MYH8: variants seen among roughly 807,000 people sequenced by gnomAD.
MYH8 encodes the protein myosin heavy chain 8.
MYH8 carries 168 observed loss-of-function variants against 233.2 expected under a neutral mutation model. That is an observed-to-expected ratio of 0.72 (90% confidence interval 0.64 to 0.82). The LOEUF (loss-of-function observed/expected upper bound fraction) is 0.82, where lower values mean the gene tolerates loss of function less well. MYH8 is among the 40% of genes least tolerant of loss of function. The pLI is 0.00. For missense variants in MYH8, 1,995 were observed against 2,327.8 expected (o/e 0.86, Z 2.94); for synonymous variants, 785 against 850.6 (o/e 0.92, Z 1.34).
intron 21 of MYH8, among the ~76,000 whole-genome samples, chr17:10,405,167 G>C (rs994727722): frequency 1.4e-4 from 22 of 152,058 alleles, no homozygotes; most frequent in African/African-American, 5.3e-4. Context: ...TAATACACTG[G>C]CTTATCTCAA....
intron 34 of MYH8, 146 bp downstream of exon 34, chr17:10,394,987 T>C (rs2072065850): frequency 1.2e-6 from 1 of 864,398 alleles, no homozygotes. Flanking sequence ...AATAATATGT[T>C]CTATGTGTAT....
chr17:10,401,233 T>G (rs780866736), intron 24 of MYH8, 42 bp from the exon 25 acceptor site: 68 of 1,613,468 alleles, frequency 4.2e-5, no homozygotes, highest in Non-Finnish European at 5.6e-5. Context: ...AAGTATATAT[T>G]TTTAAAAAAA....
In MYH8 at chr17:10,400,641, C is replaced by G. The variant is rs1289655596; in HGVS notation, c.3484G>C (p.Ala1162Pro). The G allele has an allele frequency of 2.5e-6, 4 of 1,614,228 alleles. No homozygotes were observed. The highest frequency in any genetic ancestry group is 3.4e-6 in the Non-Finnish European group (4 of 1,180,048). The change falls in exon 27 of 40, where the codon GCT becomes CCT. Residue 1162 changes from alanine (A) to proline (P), a missense_variant. Physicochemically the swap from Ala to Pro is conservative, Grantham distance 27. Transcript: ENST00000403437. This position sits in a 1 kb window ranked among gnomAD's most constrained non-coding sequence, Gnocchi z 4.0. ...RLEEAGGATS[A>P]QVELNKKREA... ...CGCTTCTTGTTCAATTCCACCTGAG[C>G]AGAAGTTGCCCCACCGGCTTCTTCC... is the stretch of plus-strand genomic sequence containing the variant.
intron 27 of MYH8, 90 bp from the exon 28 acceptor site, chr17:10,399,759 T>G: frequency 6.4e-7 from 1 of 1,559,254 alleles, no homozygotes; most frequent in Non-Finnish European, 8.7e-7. Flanking sequence ...AGTAAATAAA[T>G]TCATGTCAAG....
intron 22 of MYH8, among the ~76,000 whole-genome samples, chr17:10,402,827 A>C (rs907152706): frequency 2.0e-5 from 3 of 152,184 alleles, no homozygotes; most frequent in Non-Finnish European, 1.5e-5. Flanking sequence ...TGTAACAAAA[A>C]TGTTCTTTAA....
rs766780054 is a variant in MYH8, at chr17:10,419,058, T to G, written c.211-28A>C. The G allele has an allele frequency of 1.6e-5, 26 of 1,613,600 alleles. No individual in the cohort carries two copies. The highest frequency in any genetic ancestry group is 7.7e-5 in the South Asian group (7 of 91,056). On this transcript the variant is annotated intron_variant, in intron 3 of 39. Transcript: ENST00000403437. The surrounding 1 kb of genome is among the most constrained non-coding windows in gnomAD (Gnocchi z 4.0). ...GGTGAGTAAGCAAGAAACCAGTTCG[T>G]TTTTGTTTGTTTGTTTGAGATAGAG...
At position 10,399,601 on chromosome 17, in the gene MYH8, C is replaced by T; in HGVS notation, c.3804G>A (p.Glu1268=). Residue 1268 remains glutamate (E), a synonymous_variant, in exon 28 of 40, where the codon GAG becomes GAA. Coordinates refer to ENST00000403437, the MANE Select transcript of MYH8 (RefSeq NM_002472.3). ...TGAGGTCATTGATCAGCCGCTGCTGCTCCTCTTCCTTGGTCTTAAGCTCAC... is the reference window on the plus strand; with the variant it reads ...TGAGGTCATTGATCAGCCGCTGCTGTTCCTCTTCCTTGGTCTTAAGCTCAC... ...QVSELKTKEE[E]QQRLINDLTA... 1.2e-6 allele frequency: 2 copies of T among 1,614,140 alleles called. No homozygotes were observed. The highest frequency in any genetic ancestry group is 1.7e-6 in the Non-Finnish European group (2 of 1,180,042).
At chr17:10,413,879 C>A (rs1408986279) in intron 12 of MYH8, 23 bp downstream of exon 12, 2 of 1,613,858 alleles carry the variant, frequency 1.2e-6, no homozygotes, top group Admixed American at 3.3e-5. Flanking sequence ...CTCATTAAAC[C>A]CAGATAAAGT....
At chr17:10,404,657 A>G (rs2072175112) in intron 21 of MYH8, 72 bp from the exon 22 acceptor site, 1 of 1,584,332 alleles carries the variant, frequency 6.3e-7, no homozygotes, top group East Asian at 2.3e-5. Flanking sequence ...ATCACACACA[A>G]ATTTCCCTTT....
In MYH8 at chr17:10,399,586, G is replaced by T. The variant is rs1214712308; in HGVS notation, c.3819C>A (p.Ile1273=). Reference sequence around the variant, plus strand: ...GCGCTCTCTGTGCTGTGAGGTCATTGATCAGCCGCTGCTGCTCCTCTTCCT... The same window carrying T: ...GCGCTCTCTGTGCTGTGAGGTCATTTATCAGCCGCTGCTGCTCCTCTTCCT... ...KTKEEEQQRL[I]NDLTAQRARL... is the part of the protein sequence containing the mutation. The change falls in exon 28 of 40, where the codon ATC becomes ATA. Residue 1273 remains isoleucine (I), a synonymous_variant. Transcript: ENST00000403437. The T allele has an allele frequency of 3.1e-6, 5 of 1,614,020 alleles. No homozygotes were observed. In the South Asian group the frequency reaches 5.5e-5, roughly 18 times the overall value.
intron 36 of MYH8, 30 bp from the exon 37 acceptor site, chr17:10,393,031 G>T (rs1473746713): frequency 6.2e-7 from 1 of 1,614,214 alleles, no homozygotes; most frequent in Non-Finnish European, 8.5e-7. Context: ...AGAAAGTAAT[G>T]AAACTTGATG....
chr17:10,401,503 G>A, intron 23 of MYH8, 40 bp downstream of exon 23: 1 of 1,614,126 alleles, frequency 6.2e-7, no homozygotes, highest in Non-Finnish European at 8.5e-7. Context: ...TTTAGTTGGT[G>A]GCAGAACCTC....
At position 10,401,599 on chromosome 17, in the gene MYH8, C is replaced by T; in HGVS notation, c.2875G>A (p.Asp959Asn). Residue 959 changes from aspartate (D) to asparagine (N), a missense_variant, in exon 23 of 40, where the codon GAC becomes AAC. Physicochemically the swap from Asp to Asn is conservative, Grantham distance 23. Coordinates refer to ENST00000403437, the MANE Select transcript of MYH8 (RefSeq NM_002472.3). ...ACCTTGGCCAGTGTCAGCTCAAGGT[C>T]ATCAATGTCTTTCTTGAGTTCTGAA... The part of the protein sequence containing the change: ...ECSELKKDID[D>N]LELTLAKVEK... The T allele has an allele frequency of 6.2e-7, 1 of 1,614,138 alleles. No homozygotes were observed. Among genetic ancestry groups the T allele is most frequent in the Non-Finnish European group, 8.5e-7 (1 of 1,180,032 alleles).
intron 22 of MYH8, among the ~76,000 whole-genome samples, chr17:10,402,628 C>T (rs1471138269): frequency 6.7e-6 from 1 of 149,464 alleles, no homozygotes; most frequent in African/African-American, 2.4e-5. Flanking sequence ...GGCACATGTG[C>T]ACGCACACAC....
intron 5 of MYH8, among the ~76,000 whole-genome samples, chr17:10,416,979 A>C (rs1038156327): frequency 2.8e-4 from 42 of 152,234 alleles, no homozygotes; most frequent in African/African-American, 1.0e-3. Context: ...GGAGGAAGTG[A>C]CTTTTCTAAT....
At chr17:10,390,887 C>T (rs907782736) in intron 39 of MYH8, among the ~76,000 whole-genome samples, 1 of 152,144 alleles carries the variant, frequency 6.6e-6, no homozygotes, top group African/African-American at 2.4e-5. Context: ...CACTTATAGA[C>T]ATCAGTAAGT....
chr17:10,397,083 C>CTTTTG (rs1238911589), intron 30 of MYH8, 97 bp from the exon 31 acceptor site: 5 of 1,372,918 alleles, frequency 3.6e-6, no homozygotes, highest in African/African-American at 1.4e-5. Context: ...CTTTTCTTTT[C>CTTTTG]TTTTGTTTCT....
At position 10,410,799 on chromosome 17, in the gene MYH8, G is replaced by C. The variant is rs1345983098; in HGVS notation, c.1565C>G (p.Ala522Gly). The change falls in exon 15 of 40, where the codon GCC (alanine) becomes GGC (glycine). Residue 522 changes from alanine (A) to glycine (G), a missense_variant. Physicochemically the swap from Ala to Gly is moderately conservative, Grantham distance 60. Around this residue, in one of 3 missense-constraint regions of MYH8, gnomAD observed 18 missense variants for 46.1 expected, o/e 0.39. Transcript: ENST00000403437. ...GACCTTCTCAATGAGCTCAATGCAG[G>C]CAGCCAGGTCCATCCCAAAGTCAAT... ...TFIDFGMDLAACIELIEKPLG... is the reference protein window; with the variant it reads ...TFIDFGMDLAGCIELIEKPLG... The C allele has an allele frequency of 6.2e-7, 1 of 1,613,732 alleles. No individual in the cohort carries two copies. The highest frequency in any genetic ancestry group is 1.7e-5 in the Admixed American group (1 of 59,986).
At chr17:10,395,683 TTATA>T (rs2072072270) in intron 33 of MYH8, among the ~76,000 whole-genome samples, 1 of 152,078 alleles carries the variant, frequency 6.6e-6, no homozygotes, top group Non-Finnish European at 1.5e-5. Flanking sequence ...ACTAATAAAA[TTATA>T]TAATTAAATT....
Sources: gnomAD v4.1 joint callset for allele counts (sites outside exome capture counted in the v4.1 genomes callset) on GRCh38, gnomAD v4.1.1 for gene constraint, gnomAD v4.1.1 regional missense constraint, Gnocchi (gnomAD v3.1) non-coding constraint, MANE v1.5 for transcripts, NCBI Gene and HGNC (gene_info 2026-07-23, HGNC 2026-07-21) for gene names.